ADAMTS17: variants seen among roughly 807,000 people sequenced by gnomAD.
ADAMTS17 encodes the protein A disintegrin and metalloproteinase with thrombospondin motifs 17.
ADAMTS17 carries 113 observed loss-of-function variants against 141.5 expected under a neutral mutation model. The ratio of observed to expected loss-of-function variants is 0.80; its 90% CI spans 0.69 to 0.93. The LOEUF (loss-of-function observed/expected upper bound fraction) is 0.93, where lower values mean the gene tolerates loss of function less well. Ranked by LOEUF, ADAMTS17 falls within the 40% of genes least tolerant of loss-of-function variation. The pLI is 0.00. For missense variants in ADAMTS17, 1,659 were observed against 1,517.9 expected (o/e 1.09, Z -1.54); for synonymous variants, 768 against 630.6 (o/e 1.22, Z -3.27).
At chr15:100,179,431 T>A (rs879512910) in intron 8 of ADAMTS17, among the ~76,000 whole-genome samples, 26 of 152,234 alleles carry the variant, frequency 1.7e-4, no homozygotes, top group Non-Finnish European at 2.9e-4. Flanking sequence ...CATATTTTTT[T>A]AATCCATTCC....
At chr15:100,189,853 G>T (rs917980049) in intron 8 of ADAMTS17, among the ~76,000 whole-genome samples, 2 of 152,210 alleles carry the variant, frequency 1.3e-5, no homozygotes. Context: ...GTGGGCACAA[G>T]TTCAGGCCCT....
intron 3 of ADAMTS17, among the ~76,000 whole-genome samples, chr15:100,307,180 G>GCC (rs1484832572): frequency 6.6e-6 from 1 of 152,212 alleles, no homozygotes; most frequent in Non-Finnish European, 1.5e-5. Context: ...TCTATCACCA[G>GCC]CCCTACCCCA....
chr15:100,333,158 C>CT (rs1486289741), intron 2 of ADAMTS17, among the ~76,000 whole-genome samples: 1 of 152,202 alleles, frequency 6.6e-6, no homozygotes, highest in Non-Finnish European at 1.5e-5. Context: ...CCGCAGCCCC[C>CT]TGCACTCTTA....
chr15:100,071,573 C>T lies in ADAMTS17; in HGVS notation c.2138-17519G>A, dbSNP rs879692089. 2.0e-5 allele frequency among the ~76,000 whole-genome samples: 3 copies of T among 150,478 alleles called. No individual in the cohort carries two copies. In the Admixed American group the frequency reaches 2.0e-4, roughly 10 times the overall value. ...AGCTTATCCACCACAATCAAGTTGGCTTCATCCCTAGGATGCAAGGCTGGT... is the reference window on the plus strand; with the variant it reads ...AGCTTATCCACCACAATCAAGTTGGTTTCATCCCTAGGATGCAAGGCTGGT... On this transcript the variant is annotated intron_variant, in intron 15 of 21. Transcript: ENST00000268070.
intron 20 of ADAMTS17, among the ~76,000 whole-genome samples, chr15:99,982,847 G>C (rs1026306206): frequency 6.6e-6 from 1 of 152,202 alleles, no homozygotes; most frequent in East Asian, 1.9e-4. Context: ...ACAGCTGTGC[G>C]TCGGAGCTGG....
intron 3 of ADAMTS17, among the ~76,000 whole-genome samples, chr15:100,317,405 A>T (rs962452431): frequency 1.3e-5 from 2 of 152,158 alleles, no homozygotes; most frequent in Non-Finnish European, 2.9e-5. Context: ...CCTCTGCCCC[A>T]TGAGCACCAG....
At chr15:100,293,008 C>T (rs139130626) in intron 3 of ADAMTS17, among the ~76,000 whole-genome samples, 13 of 152,170 alleles carry the variant, frequency 8.5e-5, no homozygotes, top group Non-Finnish European at 1.6e-4. Flanking sequence ...ATGGCAAATG[C>T]GATCATGAAT....
chr15:99,974,000 C>CTTTAGAATAAAGCG lies in ADAMTS17; in HGVS notation c.*401_*402insCGCTTTATTCTAAA, dbSNP rs2060266780. The stretch of plus-strand genomic sequence containing the variant: ...GTGTCGCCGGCTTTCAGAATAAAGC[C>CTTTAGAATAAAGCG]TTTTCTAGCATGTCTCGTTTTGGGG... On this transcript the variant is annotated 3_prime_UTR_variant, in exon 22 of 22. Transcript: ENST00000268070. 3.1e-6 allele frequency: 1 copy of CTTTAGAATAAAGCG among 327,596 alleles called. No individual in the cohort carries two copies. Among genetic ancestry groups the CTTTAGAATAAAGCG allele is most frequent in the Non-Finnish European group, 5.9e-6 (1 of 170,542 alleles). 20.3% of individuals were successfully genotyped at this position (327,596 alleles called of 1,614,324 possible).
intron 8 of ADAMTS17, among the ~76,000 whole-genome samples, chr15:100,167,664 G>T (rs1411269846): frequency 6.6e-6 from 1 of 152,120 alleles, no homozygotes; most frequent in Non-Finnish European, 1.5e-5. Context: ...AATTAAACCT[G>T]GGATCTTCTC....
intron 7 of ADAMTS17, among the ~76,000 whole-genome samples, chr15:100,234,838 GC>G (rs1207366082): frequency 3.3e-5 from 5 of 152,112 alleles, no homozygotes; most frequent in Non-Finnish European, 7.3e-5. Flanking sequence ...CTCCCAAGGC[GC>G]CCCCTCCACA....
intron 18 of ADAMTS17, among the ~76,000 whole-genome samples, chr15:100,025,165 T>C (rs531153193): frequency 1.8e-4 from 28 of 152,314 alleles, no homozygotes; most frequent in South Asian, 4.1e-4. Flanking sequence ...TTCATAACTG[T>C]TATATTTTCA....
intron 7 of ADAMTS17, among the ~76,000 whole-genome samples, chr15:100,215,740 C>A (rs939009233): frequency 2.2e-4 from 34 of 152,110 alleles, no homozygotes; most frequent in African/African-American, 8.2e-4. Context: ...AAATGGGCCT[C>A]TGCAAAGGGA....
At chr15:100,068,135 C>G (rs2033685732) in intron 15 of ADAMTS17, among the ~76,000 whole-genome samples, 2 of 152,294 alleles carry the variant, frequency 1.3e-5, no homozygotes, top group South Asian at 4.2e-4. Flanking sequence ...GGTCCTACAC[C>G]CACGGAGCCT....
chr15:99,980,614 G>T (rs2141283266), intron 20 of ADAMTS17: 1 of 152,376 alleles, frequency 6.6e-6, no homozygotes, highest in African/African-American at 2.4e-5. Context: ...TGCCAGCTGG[G>T]GAGTCAGTCC....
chr15:100,296,417 T>A (rs1327369187), intron 3 of ADAMTS17, among the ~76,000 whole-genome samples: 2 of 151,622 alleles, frequency 1.3e-5, no homozygotes, highest in South Asian at 2.1e-4. Flanking sequence ...CTTCTCTTTC[T>A]TTTTTTTTCC....
chr15:100,166,832 G>C (rs1441288060), intron 8 of ADAMTS17, among the ~76,000 whole-genome samples: 1 of 152,214 alleles, frequency 6.6e-6, no homozygotes, highest in East Asian at 1.9e-4. Flanking sequence ...TTCAAGAGTA[G>C]ATTTTGCACC....
chr15:100,321,560 C>T (rs989368660), intron 3 of ADAMTS17, among the ~76,000 whole-genome samples: 13 of 152,222 alleles, frequency 8.5e-5, no homozygotes, highest in Non-Finnish European at 2.9e-5. Context: ...GCAATACTAA[C>T]GTTAGCTGAA....
intron 14 of ADAMTS17, among the ~76,000 whole-genome samples, chr15:100,107,303 G>C (rs1426771854): frequency 1.3e-5 from 2 of 152,160 alleles, no homozygotes; most frequent in Non-Finnish European, 2.9e-5. Context: ...TGGGCAAGTG[G>C]ACCTGACGCC....
intron 14 of ADAMTS17, among the ~76,000 whole-genome samples, chr15:100,100,087 G>A (rs942255673): frequency 1.3e-5 from 2 of 152,186 alleles, no homozygotes; most frequent in Non-Finnish European, 2.9e-5. Flanking sequence ...TGCATGTATT[G>A]ATTCACCCGT....
Sources: allele counts gnomAD v4.1 joint callset (sites outside exome capture counted in the v4.1 genomes callset), GRCh38; gene constraint gnomAD v4.1.1; transcripts MANE v1.5; gene names NCBI Gene and HGNC (gene_info 2026-07-23, HGNC 2026-07-21).